Variants in SLC9A9 observed in about 807,000 individuals in gnomAD.
The protein encoded by SLC9A9 is solute carrier family 9 member A9, also known as sodium/hydrogen exchanger 9.
A neutral mutation model predicts 77.8 loss-of-function variants in SLC9A9; 62 were observed. The ratio of observed to expected loss-of-function variants is 0.80; its 90% CI spans 0.65 to 0.98. The LOEUF (loss-of-function observed/expected upper bound fraction) is 0.98. Ranked by LOEUF, SLC9A9 falls within the 50% of genes least tolerant of loss-of-function variation. The probability of loss-of-function intolerance (pLI) is 0.00; values close to 1 mark genes in which losing one functional copy is unlikely to be tolerated. For missense variants in SLC9A9, 775 were observed against 774.9 expected (o/e 1.00, Z 0.00); for synonymous variants, 320 against 283.5 (o/e 1.13, Z -1.29).
intron 6 of SLC9A9, among the ~76,000 whole-genome samples, chr3:143,610,370 C>T (rs2038005170): frequency 1.3e-5 from 2 of 152,176 alleles, no homozygotes; most frequent in Non-Finnish European, 2.9e-5. Context: ...TGGTCTTGAA[C>T]TCCTGGGCTC....
At position 143,370,567 on chromosome 3, in the gene SLC9A9, G is replaced by GCGCGCACACACACA. The variant is rs373398536; in HGVS notation, c.1525-7005_1525-7004insTGTGTGTGTGCGCG. Among the ~76,000 whole-genome samples the GCGCGCACACACACA allele has an allele frequency of 3.8e-4, 54 of 143,418 alleles. No individual in the cohort carries two copies. The East Asian group carries it at 7.4e-3, about 20-fold the overall frequency. 94.1% of individuals were successfully genotyped at this position (143,418 alleles called of 152,430 possible). On this transcript the variant is annotated intron_variant, in intron 13 of 15. Coordinates refer to ENST00000316549, the MANE Select transcript of SLC9A9 (RefSeq NM_173653.4). ...TGTACACAAGTATATGCATGTGCGC[G>GCGCGCACACACACA]CACACACACACACACACACACACAC...
chr3:143,429,385 A>G (rs1490697445), intron 12 of SLC9A9, among the ~76,000 whole-genome samples: 1 of 152,170 alleles, frequency 6.6e-6, no homozygotes, highest in Non-Finnish European at 1.5e-5. Context: ...CCAACTTGAG[A>G]TGTCATAATA....
intron 6 of SLC9A9, among the ~76,000 whole-genome samples, chr3:143,615,368 A>G (rs1429784452): frequency 6.6e-6 from 1 of 152,242 alleles, no homozygotes; most frequent in South Asian, 2.1e-4. Context: ...ATACAGGTAT[A>G]AGAACAGAAA....
intron 4 of SLC9A9, among the ~76,000 whole-genome samples, chr3:143,776,057 T>G (rs943395967): frequency 6.6e-5 from 10 of 152,230 alleles, no homozygotes; most frequent in African/African-American, 2.4e-4. Context: ...AATGTACGTG[T>G]TCTTATCTTT....
chr3:143,497,370 T>C (rs1219572614), intron 9 of SLC9A9, among the ~76,000 whole-genome samples: 5 of 152,152 alleles, frequency 3.3e-5, no homozygotes, highest in Non-Finnish European at 7.4e-5. Flanking sequence ...AGCTCAAATA[T>C]GGAGCATATA....
At chr3:143,325,091 A>C (rs2031542069) in intron 14 of SLC9A9, among the ~76,000 whole-genome samples, 2 of 151,970 alleles carry the variant, frequency 1.3e-5, no homozygotes, top group Non-Finnish European at 1.5e-5. Context: ...AAAAAAAAAA[A>C]AAAACCTTCC....
chr3:143,764,219 G>A (rs1044506125), intron 4 of SLC9A9, among the ~76,000 whole-genome samples: 7 of 152,108 alleles, frequency 4.6e-5, no homozygotes, highest in African/African-American at 1.7e-4. Context: ...CATACAATGT[G>A]AGCTCTCTCA....
intron 4 of SLC9A9, among the ~76,000 whole-genome samples, chr3:143,731,883 C>T (rs985863857): frequency 1.3e-5 from 2 of 152,216 alleles, no homozygotes; most frequent in South Asian, 2.1e-4. Context: ...CAACTGTCAA[C>T]GGATGTGAGA....
Position 143,832,234 on chromosome 3 carries a change from G to T in SLC9A9, c.176-13C>A, listed in dbSNP as rs749156522. ...CCCATTATAAGGCCTAAAAAAAAAA[G>T]AATAAATAATGGTACTGGAGGAAGG... is the stretch of plus-strand genomic sequence containing the variant. On this transcript the variant is annotated splice_polypyrimidine_tract_variant and intron_variant, in intron 1 of 15. Transcript: ENST00000316549. 10 of 1,584,074 alleles carry T rather than the reference G, an allele frequency of 6.3e-6. No individual in the cohort carries two copies. The East Asian group carries it at 2.2e-4, about 36-fold the overall frequency.
At chr3:143,368,096 CCT>C (rs1374595849) in intron 13 of SLC9A9, among the ~76,000 whole-genome samples, 1 of 152,036 alleles carries the variant, frequency 6.6e-6, no homozygotes, top group Non-Finnish European at 1.5e-5. Context: ...CTTTTATTAT[CCT>C]CTGTTTTTCT....
At chr3:143,391,008 G>T (rs547033105) in intron 12 of SLC9A9, among the ~76,000 whole-genome samples, 62 of 152,360 alleles carry the variant, frequency 4.1e-4, no homozygotes, top group African/African-American at 1.5e-3. Flanking sequence ...TGCCTCTGTA[G>T]ACTCCACCTC....
chr3:143,589,986 A>G (rs1040207274), intron 6 of SLC9A9, among the ~76,000 whole-genome samples: 7 of 152,208 alleles, frequency 4.6e-5, no homozygotes, highest in African/African-American at 1.7e-4. Flanking sequence ...TAAAATATCT[A>G]TTTCAATATG....
chr3:143,357,269 C>T (rs1233361249), intron 14 of SLC9A9, among the ~76,000 whole-genome samples: 2 of 152,232 alleles, frequency 1.3e-5, no homozygotes, highest in African/African-American at 4.8e-5. Context: ...TCTGATGATG[C>T]CAATGTCTTC....
At chr3:143,769,532 C>G (rs2108838856) in intron 4 of SLC9A9, among the ~76,000 whole-genome samples, 2 of 152,286 alleles carry the variant, frequency 1.3e-5, no homozygotes, top group Middle Eastern at 6.8e-3. Flanking sequence ...AGAACTGCTT[C>G]TTTTCCACAC....
intron 5 of SLC9A9, among the ~76,000 whole-genome samples, chr3:143,670,565 C>T (rs539886501): frequency 5.5e-4 from 84 of 152,342 alleles, no homozygotes; most frequent in Non-Finnish European, 1.1e-3. Flanking sequence ...TCGTCTGTGG[C>T]CCTGGAGAGA....
chr3:143,366,776 C>T (rs1480343915), intron 13 of SLC9A9, among the ~76,000 whole-genome samples: 1 of 152,068 alleles, frequency 6.6e-6, no homozygotes, highest in Non-Finnish European at 1.5e-5. Context: ...TATAGGTTTT[C>T]AAGAATACTG....
chr3:143,461,169 A>G (rs2035184327), intron 12 of SLC9A9, among the ~76,000 whole-genome samples: 1 of 152,190 alleles, frequency 6.6e-6, no homozygotes, highest in Non-Finnish European at 1.5e-5. Context: ...TTATGTTAAG[A>G]AGGAGATAGA....
intron 12 of SLC9A9, among the ~76,000 whole-genome samples, chr3:143,424,117 C>T (rs2034360100): frequency 6.6e-6 from 1 of 152,068 alleles, no homozygotes; most frequent in Admixed American, 6.5e-5. Context: ...GCTGAGTGAA[C>T]ATGTGAAACC....
At chr3:143,683,071 GATGGAATTGTGGT>G (rs1933152819) in intron 5 of SLC9A9, among the ~76,000 whole-genome samples, 1 of 152,166 alleles carries the variant, frequency 6.6e-6, no homozygotes, top group South Asian at 2.1e-4. Context: ...TAGGTGTGAT[GATGGAATTGTGGT>G]TATGTTTAAA....
Sources: allele counts gnomAD v4.1 joint callset (sites outside exome capture counted in the v4.1 genomes callset), GRCh38; gene constraint gnomAD v4.1.1; transcripts MANE v1.5; gene names NCBI Gene and HGNC (gene_info 2026-07-23, HGNC 2026-07-21).